Variants in SRPRB observed in about 807,000 individuals in gnomAD.
SRPRB encodes SRP receptor subunit beta, also known as signal recognition particle receptor subunit beta.
In SRPRB, 20 loss-of-function variants were observed where a neutral mutation model predicts 31.9. The ratio of observed to expected loss-of-function variants is 0.63; its 90% CI spans 0.44 to 0.91. SRPRB has a LOEUF of 0.91. Among genes scored for constraint, SRPRB ranks in the 40% least tolerant of loss-of-function variants. SRPRB has a pLI of 0.00. For missense variants in SRPRB, 321 were observed against 324.9 expected, an observed-to-expected ratio of 0.99 and a Z score of 0.09; for synonymous variants, 146 against 132.8, an observed-to-expected ratio of 1.10 and a Z score of -0.68.
At chr3:133,785,503 T>G (rs1177078956) in intron 1 of SRPRB, 8 of 88,396 alleles carry the variant, frequency 9.1e-5, no homozygotes, top group Non-Finnish European at 1.2e-4. Flanking sequence ...GTGGGGGGGG[T>G]CAGCCCCCCT....
At chr3:133,824,289 C>T (rs1338320470), downstream of SRPRB, 1 of 152,176 alleles carries the variant, frequency 6.6e-6, no homozygotes, top group Non-Finnish European at 1.5e-5. Flanking sequence ...GAGTCTTTTC[C>T]ACATTTTACA....
rs1394361608 is a variant in SRPRB at position 133,820,186 on chromosome 3, C to T, written c.*420C>T. ...TAGTTGATTTCCAGTTGCACTATTT[C>T]CAGTTGCCTCTGAAGTTCACAGGCA... is the stretch of plus-strand genomic sequence containing the variant. On this transcript the variant is annotated 3_prime_UTR_variant, in exon 7 of 7. Transcript: ENST00000678299. 3.2e-5 allele frequency: 6 copies of T among 184,676 alleles called. No homozygotes were observed. Among genetic ancestry groups the T allele is most frequent in the Admixed American group, 5.3e-5 (1 of 18,730 alleles). 11.4% of individuals were successfully genotyped at this position (184,676 alleles called of 1,614,324 possible).
upstream of SRPRB, among the ~76,000 whole-genome samples, chr3:133,802,422 G>A (rs1417071466): frequency 6.6e-6 from 1 of 151,964 alleles, no homozygotes; most frequent in Admixed American, 6.6e-5. Context: ...AAAATTAAAA[G>A]TATTTAGAAT....
chr3:133,798,705 A>T (rs1274788623), intron 1 of SRPRB, among the ~76,000 whole-genome samples: 4 of 152,192 alleles, frequency 2.6e-5, no homozygotes, highest in African/African-American at 7.2e-5. Context: ...AGCATGACAC[A>T]TAAAATTGCA....
At chr3:133,796,556 G>A (rs983527919) in intron 1 of SRPRB, 6 of 152,162 alleles carry the variant, frequency 3.9e-5, no homozygotes, top group South Asian at 2.1e-4. Context: ...TTCTGTAACC[G>A]GGCTATTGAG....
chr3:133,812,962 C>G (rs1346292801), intron 4 of SRPRB, among the ~76,000 whole-genome samples: 1 of 152,124 alleles, frequency 6.6e-6, no homozygotes, highest in Non-Finnish European at 1.5e-5. Context: ...AGAAGTGTTT[C>G]CAGAGAGGGT....
intron 1 of SRPRB, chr3:133,784,356 C>T (rs1434598966): frequency 2.6e-5 from 4 of 151,940 alleles, no homozygotes; most frequent in Admixed American, 2.6e-4. Context: ...TCAACTTCCC[C>T]CCCAGCCTTT....
chr3:133,816,779 A>G, intron 5 of SRPRB, 99 bp from the exon 6 acceptor site: 4 of 886,598 alleles, frequency 4.5e-6, no homozygotes, highest in Non-Finnish European at 6.8e-6. Context: ...AAAGAGAAAA[A>G]CTTACTGGTT....
In SRPRB at chr3:133,821,338, T is replaced by G. The variant is rs974883709; in HGVS notation, c.*1572T>G. On this transcript the variant is annotated 3_prime_UTR_variant, in exon 7 of 7. Transcript: ENST00000678299. ...TACTTGAAAGCTGCTGCTGGTGTTC[T>G]GAGTGTCTTTTGGACTCTTATTTCT... is the stretch of plus-strand genomic sequence containing the variant. The G allele has an allele frequency of 2.0e-5, 3 of 152,262 alleles. No homozygotes were observed. Among genetic ancestry groups the G allele is most frequent in the Admixed American group, 1.3e-4 (2 of 15,290 alleles). 9.4% of individuals were successfully genotyped at this position (152,262 alleles called of 1,614,324 possible). A position where few individuals can be genotyped will look rare whatever the true frequency, so the allele number is the denominator to read the frequency against.
intron 1 of SRPRB, chr3:133,796,396 C>G (rs1362247362): frequency 6.6e-6 from 1 of 152,172 alleles, no homozygotes; most frequent in Non-Finnish European, 1.5e-5. Context: ...GGTCTGTAGG[C>G]AAGGAATATA....
At position 133,815,622 on chromosome 3, in the gene SRPRB, T is replaced by C. The variant is rs113131025; in HGVS notation, c.443T>C (p.Phe148Ser). 4,057 of 1,613,958 alleles carry C rather than the reference T, an allele frequency of 2.5e-3. 88 individuals carry two copies. In the African/African-American group the frequency reaches 0.046, roughly 18 times the overall value. Reference protein sequence around the residue: ...AIVFVVDSAAFQREVKDVAEF... With the variant: ...AIVFVVDSAASQREVKDVAEF... ...GTGTTTGTTGTGGATAGTGCAGCAT[T>C]CCAGCGAGAGGTGAAAGATGTGGCT... is the stretch of plus-strand genomic sequence containing the variant. The change falls in exon 5 of 7, where the codon TTC (phenylalanine) becomes TCC (serine). Residue 148 changes from phenylalanine (F) to serine (S), a missense_variant. Phe to Ser is a radical substitution (Grantham distance 155, BLOSUM62 -2). Transcript: ENST00000678299.
intron 2 of SRPRB, among the ~76,000 whole-genome samples, chr3:133,807,025 T>A (rs1340399011): frequency 6.6e-6 from 1 of 152,188 alleles, no homozygotes; most frequent in African/African-American, 2.4e-5. Flanking sequence ...TATAATTCCT[T>A]CGTTAACAAA....
intron 1 of SRPRB, chr3:133,789,105 G>A (rs779994857): frequency 1.3e-5 from 2 of 152,314 alleles, no homozygotes; most frequent in Non-Finnish European, 2.9e-5. Flanking sequence ...CCCCAAAGGG[G>A]GATTCCCCAG....
intron 1 of SRPRB, chr3:133,793,166 C>G (rs942932966): frequency 1.2e-4 from 18 of 151,812 alleles, no homozygotes; most frequent in African/African-American, 4.4e-4. Context: ...ACTACCCCCC[C>G]ACCAAAAAAA....
chr3:133,814,958 T>C (rs1318496495), intron 4 of SRPRB, among the ~76,000 whole-genome samples: 2 of 152,256 alleles, frequency 1.3e-5, no homozygotes, highest in Non-Finnish European at 2.9e-5. Context: ...CAGGTCATTG[T>C]GTCACGCCTC....
chr3:133,798,619 T>C (rs1456903307), intron 1 of SRPRB, among the ~76,000 whole-genome samples: 1 of 152,254 alleles, frequency 6.6e-6, no homozygotes, highest in Non-Finnish European at 1.5e-5. Context: ...TGAGTTGGTG[T>C]AGTGTTTTCT....
At chr3:133,811,962 C>T (rs1935270887) in intron 4 of SRPRB, among the ~76,000 whole-genome samples, 1 of 151,756 alleles carries the variant, frequency 6.6e-6, no homozygotes, top group Non-Finnish European at 1.5e-5. Flanking sequence ...AGTGTGTGCT[C>T]TGGTGTTACT....
chr3:133,795,182 CTTAGT>C (rs1302931184), intron 1 of SRPRB: 1 of 152,172 alleles, frequency 6.6e-6, no homozygotes, highest in Non-Finnish European at 1.5e-5. Context: ...GAAGAGACTG[CTTAGT>C]TAAGTGAGTA....
chr3:133,789,703 A>C (rs1934779752), intron 1 of SRPRB: 1 of 152,172 alleles, frequency 6.6e-6, no homozygotes, highest in South Asian at 2.1e-4. Context: ...AACTTTCCTA[A>C]ACAGGCTAGT....
Sources: gnomAD v4.1 joint callset for allele counts (sites outside exome capture counted in the v4.1 genomes callset) on GRCh38, gnomAD v4.1.1 for gene constraint, MANE v1.5 for transcripts, NCBI Gene and HGNC (gene_info 2026-07-23, HGNC 2026-07-21) for gene names.